Variants in TUBG1 observed in about 807,000 individuals in gnomAD.
The protein encoded by TUBG1 is tubulin gamma-1 chain.
A neutral mutation model predicts 53.3 loss-of-function variants in TUBG1; 22 were observed. The ratio of observed to expected loss-of-function variants is 0.41; its 90% confidence interval spans 0.29 to 0.59. The LOEUF is 0.59. Ranked by LOEUF, TUBG1 falls within the 20% of genes least tolerant of loss-of-function variation. The probability of loss-of-function intolerance (pLI) is 0.26; values close to 1 mark genes in which losing one functional copy is unlikely to be tolerated. For missense variants in TUBG1, 217 were observed against 598.9 expected (o/e 0.36, Z 6.66); for synonymous variants, 198 against 236.7 (o/e 0.84, Z 1.50).
Position 42,610,347 on chromosome 17 carries a change from G to A in TUBG1, c.163-76G>A, listed in dbSNP as rs572947912. 3.8e-4 allele frequency: 578 copies of A among 1,518,126 alleles called. No homozygotes were observed. In the African/African-American group the frequency reaches 7.3e-3, roughly 19 times the overall value. The allele number at this position is 1,518,126 out of a possible 1,614,324, so 94.0% of individuals were successfully genotyped here. A position where few individuals can be genotyped will look rare whatever the true frequency, so the allele number is the denominator to read the frequency against. ...GCTGGCTTGAGGAGGGAGGGCCGGA[G>A]GGAGCCAGAGTTGGGAGGACTTCGG... is the stretch of plus-strand genomic sequence containing the variant. On this transcript the variant is annotated intron_variant, in intron 2 of 10. Transcript: ENST00000251413.
chr17:42,614,559 G>T lies in TUBG1; in HGVS notation c.1060G>T (p.Ala354Ser). ...KLANFIPWGP[A>S]SIQVALSRKS... ...GGCCAACTTCATCCCGTGGGGCCCC[G>T]CCAGCATCCAGGTGGCCCTGTCGAG... Residue 354 changes from alanine to serine, a missense_variant, in exon 10 of 11, where the codon GCC becomes TCC. By Grantham distance (99) the Ala-to-Ser change is moderately conservative. Around this residue, in one of 4 missense-constraint regions of TUBG1, gnomAD observed 135 missense variants for 371.2 expected, o/e 0.36. Coordinates refer to ENST00000251413, the MANE Select transcript of TUBG1 (RefSeq NM_001070.5). This position sits in a 1 kb window ranked among gnomAD's most constrained non-coding sequence, Gnocchi z 5.1. 2 of 1,613,990 alleles carry T rather than the reference G, an allele frequency of 1.2e-6. No homozygotes were observed. The highest frequency in any genetic ancestry group is 1.7e-6 in the Non-Finnish European group (2 of 1,179,874).
intron 1 of TUBG1, 66 bp downstream of exon 1, chr17:42,609,852 T>A: frequency 6.6e-7 from 1 of 1,517,452 alleles, no homozygotes. Flanking sequence ...CGCTGTGGGA[T>A]CCTGGACTCC....
chr17:42,610,144 A>G lies in TUBG1; in HGVS notation c.86A>G (p.His29Arg). The G allele has an allele frequency of 6.2e-7, 1 of 1,614,188 alleles. No homozygotes were observed. The highest frequency in any genetic ancestry group is 2.2e-5 in the East Asian group (1 of 44,882). ...TTCTGGAAACAGCTGTGCGCCGAGC[A>G]TGGTATCAGCCCCGAGGGCATCGTG... is the stretch of plus-strand genomic sequence containing the variant. Reference protein sequence around the residue: ...FEFWKQLCAEHGISPEGIVEE... With the variant: ...FEFWKQLCAERGISPEGIVEE... Residue 29 changes from histidine (H) to arginine (R), a missense_variant, in exon 2 of 11, where the codon CAT becomes CGT. This residue lies in a region of TUBG1 where 57 missense variants were observed against 169.3 expected (regional missense o/e 0.34). Coordinates refer to ENST00000251413, the MANE Select transcript of TUBG1 (RefSeq NM_001070.5).
Position 42,612,459 on chromosome 17 carries a change from G to A in TUBG1, c.432G>A (p.Gly144=), listed in dbSNP as rs141876276. ...GFVLCHSIAG[G]TGSGLGSYLL... ...TGCTGTGTCACTCCATTGCTGGGGGGACAGGCTCTGGACTGGGTTCCTACC... is the reference window on the plus strand; with the variant it reads ...TGCTGTGTCACTCCATTGCTGGGGGAACAGGCTCTGGACTGGGTTCCTACC... Residue 144 remains glycine, a synonymous_variant, in exon 5 of 11, where the codon GGG becomes GGA. Transcript: ENST00000251413. 8.1e-6 allele frequency: 13 copies of A among 1,613,998 alleles called. No homozygotes were observed. The highest frequency in any genetic ancestry group is 1.6e-4 in the Middle Eastern group (1 of 6,062).
Position 42,615,030 on chromosome 17 carries a change from C to T in TUBG1, c.1345C>T (p.Gln449Ter), listed in dbSNP as rs1470116056. ...GCCAGACTACATCTCCTGGGGCACC[C>T]AGGAGCAGTGAGTCCCCCAGGACAG... ...TRPDYISWGTQEQ is the reference protein window; with the variant it reads ...TRPDYISWGT Residue 449 changes from glutamine (Q) to a stop codon, truncating the protein, a stop_gained, in exon 11 of 11, where the codon CAG becomes TAG. Coordinates refer to ENST00000251413, the MANE Select transcript of TUBG1 (RefSeq NM_001070.5). LOFTEE classifies it high-confidence loss of function. 1 of 1,614,090 alleles carries T rather than the reference C, an allele frequency of 6.2e-7. No individual in the cohort carries two copies. Among genetic ancestry groups the T allele is most frequent in the Admixed American group, 1.7e-5 (1 of 60,018 alleles).
intron 6 of TUBG1, 144 bp downstream of exon 6, chr17:42,613,217 A>G (rs2052050025): frequency 3.8e-6 from 5 of 1,329,968 alleles, no homozygotes; most frequent in Non-Finnish European, 4.1e-6. Context: ...TGGGAGGCCA[A>G]GGTCGTTGGA....
Position 42,614,131 on chromosome 17 carries a change from C to T in TUBG1, c.844-129C>T. The T allele has an allele frequency of 6.3e-7, 1 of 1,586,034 alleles. No homozygotes were observed. The highest frequency in any genetic ancestry group is 8.6e-7 in the Non-Finnish European group (1 of 1,164,716). ...CCAAGGCGCGGCGCTCAGGGACTGGCACAGAGTGGGCGACTTTCTTGCTGA... is the reference window on the plus strand; with the variant it reads ...CCAAGGCGCGGCGCTCAGGGACTGGTACAGAGTGGGCGACTTTCTTGCTGA... On this transcript the variant is annotated intron_variant, in intron 8 of 10. Coordinates refer to ENST00000251413, the MANE Select transcript of TUBG1 (RefSeq NM_001070.5). The surrounding 1 kb of genome is among the most constrained non-coding windows in gnomAD (Gnocchi z 5.1).
chr17:42,613,811 C>G (rs576005001), intron 7 of TUBG1, 38 bp from the exon 8 acceptor site: 4 of 1,614,148 alleles, frequency 2.5e-6, no homozygotes, highest in Non-Finnish European at 3.4e-6. Context: ...GAGGTCCCAC[C>G]CAGGCTGAGG....
At position 42,612,414 on chromosome 17, in the gene TUBG1, C is replaced by T. The variant is rs752804424; in HGVS notation, c.400-13C>T. ...CTAGATACCTGTACACTGACTGCCCCTTCCCCATGCAGGGCTTTGTGCTGT... is the reference window on the plus strand; with the variant it reads ...CTAGATACCTGTACACTGACTGCCCTTTCCCCATGCAGGGCTTTGTGCTGT... On this transcript the variant is annotated splice_polypyrimidine_tract_variant and intron_variant, in intron 4 of 10. Coordinates refer to ENST00000251413, the MANE Select transcript of TUBG1 (RefSeq NM_001070.5). 1.2e-6 allele frequency: 2 copies of T among 1,613,736 alleles called. No homozygotes were observed. Among genetic ancestry groups the T allele is most frequent in the Non-Finnish European group, 1.7e-6 (2 of 1,179,812 alleles).
chr17:42,612,155 A>C lies in TUBG1; in HGVS notation c.399+12A>C. On this transcript the variant is annotated intron_variant, in intron 4 of 10. Coordinates refer to ENST00000251413, the MANE Select transcript of TUBG1 (RefSeq NM_001070.5). ...GTGACAGTCTAGAGGTAAGTGTCCC[A>C]GGAATGCTGGTAGGAGCCGACATGG... 1.2e-6 allele frequency: 2 copies of C among 1,613,910 alleles called. No individual in the cohort carries two copies. Among genetic ancestry groups the C allele is most frequent in the Non-Finnish European group, 1.7e-6 (2 of 1,179,848 alleles).
At chr17:42,612,818 T>C in intron 5 of TUBG1, 129 bp from the exon 6 acceptor site, 1 of 1,298,084 alleles carries the variant, frequency 7.7e-7, no homozygotes. Context: ...CAAGGCTCCC[T>C]TCTCTACTGA....
chr17:42,612,922 T>C, intron 5 of TUBG1, 25 bp from the exon 6 acceptor site: 1 of 1,613,512 alleles, frequency 6.2e-7, no homozygotes, highest in Non-Finnish European at 8.5e-7. Flanking sequence ...TCTGTTGCCC[T>C]GATCCTTTCC....
rs145451215 is a variant in TUBG1, at chr17:42,614,645, C to T, written c.1146C>T (p.Thr382=). The T allele has an allele frequency of 6.2e-7, 1 of 1,613,996 alleles. No homozygotes were observed. The highest frequency in any genetic ancestry group is 8.5e-7 in the Non-Finnish European group (1 of 1,179,882). ...GCGGGCTCATGATGGCCAACCACAC[C>T]AGCATCTCCTCGGTGAGTCTCAAAG... The part of the protein sequence containing the change: ...RVSGLMMANH[T]SISSLFERTC... The change falls in exon 10 of 11, where the codon ACC becomes ACT. Residue 382 remains threonine, a synonymous_variant. Coordinates refer to ENST00000251413, the MANE Select transcript of TUBG1 (RefSeq NM_001070.5). This position sits in a 1 kb window ranked among gnomAD's most constrained non-coding sequence, Gnocchi z 5.1.
chr17:42,613,436 A>T (rs1230794487), intron 6 of TUBG1, among the ~76,000 whole-genome samples: 1 of 146,698 alleles, frequency 6.8e-6, no homozygotes, highest in Non-Finnish European at 1.5e-5. Flanking sequence ...AAACAAGAAC[A>T]AAAAAAAAAA....
Position 42,615,139 on chromosome 17 carries a change from C to A in TUBG1, c.*98C>A. ...AGCACAGATCAGGGACCTCACGCAT[C>A]TCTTTCTCATATACATGGACTCTCT... is the stretch of plus-strand genomic sequence containing the variant. On this transcript the variant is annotated 3_prime_UTR_variant, in exon 11 of 11. Transcript: ENST00000251413. 8.5e-7 allele frequency: 1 copy of A among 1,173,534 alleles called. No individual in the cohort carries two copies. Among genetic ancestry groups the A allele is most frequent in the Non-Finnish European group, 1.2e-6 (1 of 813,802 alleles). The allele number at this position is 1,173,534 out of a possible 1,614,324, so 72.7% of individuals were successfully genotyped here. A position where few individuals can be genotyped will look rare whatever the true frequency, so the allele number is the denominator to read the frequency against.
At position 42,614,833 on chromosome 17, in the gene TUBG1, C is replaced by G; in HGVS notation, c.1159-11C>G. 2 of 1,614,126 alleles carry G rather than the reference C, an allele frequency of 1.2e-6. No homozygotes were observed. The highest frequency in any genetic ancestry group is 1.7e-6 in the Non-Finnish European group (2 of 1,179,990). On this transcript the variant is annotated splice_polypyrimidine_tract_variant and intron_variant, in intron 10 of 10. Transcript: ENST00000251413. The surrounding 1 kb of genome is among the most constrained non-coding windows in gnomAD (Gnocchi z 5.1). Reference sequence around the variant, plus strand: ...AGTTCTTTGTAACCCCTGTTTTCTGCACACCCCAAGCTCTTCGAGAGAACC... The same window carrying G: ...AGTTCTTTGTAACCCCTGTTTTCTGGACACCCCAAGCTCTTCGAGAGAACC...
chr17:42,610,846 A>C, intron 3 of TUBG1: 1 of 455,238 alleles, frequency 2.2e-6, no homozygotes, highest in South Asian at 5.1e-5. Context: ...ACAGGTCCAC[A>C]GTCCCTTATC....
intron 3 of TUBG1, chr17:42,610,809 C>G: frequency 1.7e-6 from 1 of 604,702 alleles, no homozygotes; most frequent in Non-Finnish European, 2.8e-6. Flanking sequence ...TTTTCTAAAT[C>G]TCCCAACAAC....
At chr17:42,611,947 T>G (rs538587169) in intron 3 of TUBG1, 128 bp from the exon 4 acceptor site, 2 of 761,906 alleles carry the variant, frequency 2.6e-6, no homozygotes, top group African/African-American at 3.4e-5. Flanking sequence ...TCAATGTAGA[T>G]AAAAGCAGGT....
Sources: gnomAD v4.1 joint callset for allele counts (sites outside exome capture counted in the v4.1 genomes callset) on GRCh38, gnomAD v4.1.1 for gene constraint, gnomAD v4.1.1 regional missense constraint, Gnocchi (gnomAD v3.1) non-coding constraint, MANE v1.5 for transcripts, NCBI Gene and HGNC (gene_info 2026-07-23, HGNC 2026-07-21) for gene names.